The following CPLANE1 variants were observed in gnomAD, a reference collection of about 807,000 sequenced individuals.
CPLANE1 encodes the protein ciliogenesis and planar polarity effector complex subunit 1.
In CPLANE1, 263 loss-of-function variants were observed where a neutral mutation model predicts 362.5. That is an observed-to-expected ratio of 0.73 (90% confidence interval 0.66 to 0.80). The LOEUF (loss-of-function observed/expected upper bound fraction) is 0.80. Ranked by LOEUF, CPLANE1 falls within the 30% of genes least tolerant of loss-of-function variation. CPLANE1 has a pLI of 0.00. For missense variants in CPLANE1, 3,461 were observed against 3,793.4 expected (o/e 0.91, Z 2.30); for synonymous variants, 1,212 against 1,302.6 (o/e 0.93, Z 1.50).
At chr5:37,218,014 C>A (rs915242788) in intron 15 of CPLANE1, among the ~76,000 whole-genome samples, 10 of 151,802 alleles carry the variant, frequency 6.6e-5, no homozygotes, top group African/African-American at 2.2e-4. Flanking sequence ...ATAATAGAAA[C>A]CCTATTTAAT....
intron 16 of CPLANE1, chr5:37,210,918 A>G: frequency 2.6e-6 from 2 of 780,050 alleles, no homozygotes; most frequent in South Asian, 2.7e-5. Flanking sequence ...TGAGCATACT[A>G]CACAGTTGAA....
At chr5:37,144,518 G>C (rs1212804036) in intron 43 of CPLANE1, among the ~76,000 whole-genome samples, 1 of 151,682 alleles carries the variant, frequency 6.6e-6, no homozygotes, top group Non-Finnish European at 1.5e-5. Flanking sequence ...ACTTGTTTTG[G>C]TTTTATACAT....
intron 21 of CPLANE1, among the ~76,000 whole-genome samples, chr5:37,193,152 G>C (rs1298913354): frequency 6.6e-6 from 1 of 151,304 alleles, no homozygotes; most frequent in Non-Finnish European, 1.5e-5. Context: ...CTGGGCGACA[G>C]TGCAAGACTC....
intron 6 of CPLANE1, among the ~76,000 whole-genome samples, chr5:37,242,570 A>C: frequency 6.6e-6 from 1 of 152,196 alleles, no homozygotes; most frequent in African/African-American, 2.4e-5. Flanking sequence ...CTCACTTCAA[A>C]GAAGGGAAAC....
At chr5:37,103,624 GA>G (rs1757402493), downstream of CPLANE1, among the ~76,000 whole-genome samples, 1 of 152,226 alleles carries the variant, frequency 6.6e-6, no homozygotes, top group Admixed American at 6.5e-5. Flanking sequence ...TTTCATTTAT[GA>G]AGCTTAGTTT....
chr5:37,248,615 C>T (rs1223376989), intron 1 of CPLANE1, among the ~76,000 whole-genome samples: 2 of 152,106 alleles, frequency 1.3e-5, no homozygotes, highest in Non-Finnish European at 2.9e-5. Context: ...CCTGTGAGAG[C>T]CACTGCACTC....
At chr5:37,175,362 T>G (rs1231179894) in intron 31 of CPLANE1, among the ~76,000 whole-genome samples, 1 of 152,222 alleles carries the variant, frequency 6.6e-6, no homozygotes, top group Non-Finnish European at 1.5e-5. Flanking sequence ...AACAACATTT[T>G]GTGAAGAAGG....
chr5:37,167,039 AG>A lies in CPLANE1; in HGVS notation c.7400+7del, dbSNP rs1367838707. ...ATATTATCAAATAAAATTTCACTTA[AG>A]CCTTGCCTTTTTTTACTGTCCTTTC... On this transcript the variant is annotated splice_region_variant and intron_variant, in intron 35 of 52. Coordinates refer to ENST00000651892, the MANE Select transcript of CPLANE1 (RefSeq NM_001384732.1). 6.2e-7 allele frequency: 1 copy of A among 1,600,600 alleles called. No homozygotes were observed. Among genetic ancestry groups the A allele is most frequent in the Non-Finnish European group, 8.5e-7 (1 of 1,174,220 alleles).
chr5:37,195,782 A>G, intron 21 of CPLANE1, 76 bp downstream of exon 21: 1 of 1,424,876 alleles, frequency 7.0e-7, no homozygotes, highest in Non-Finnish European at 9.5e-7. Flanking sequence ...TACTTTGAAG[A>G]GTCAATACTT....
intron 29 of CPLANE1, among the ~76,000 whole-genome samples, chr5:37,178,526 T>TGAC (rs1251842732): frequency 6.6e-6 from 1 of 150,652 alleles, no homozygotes; most frequent in Non-Finnish European, 1.5e-5. Flanking sequence ...GGCAAGAGGA[T>TGAC]GACTTTATTC....
chr5:37,180,268 T>C, intron 27 of CPLANE1, 85 bp from the exon 28 acceptor site: 2 of 906,772 alleles, frequency 2.2e-6, no homozygotes, highest in Non-Finnish European at 3.1e-6. Flanking sequence ...TTGTTTTTTT[T>C]TTTAAGATGG....
chr5:37,215,588 T>G (rs775171184), intron 15 of CPLANE1, among the ~76,000 whole-genome samples: 1 of 152,112 alleles, frequency 6.6e-6, no homozygotes, highest in Non-Finnish European at 1.5e-5. Flanking sequence ...TGGTCAACTG[T>G]AGTTAGTAAT....
intron 10 of CPLANE1, 36 bp downstream of exon 10, chr5:37,227,532 G>T (rs183043453): frequency 2.8e-5 from 42 of 1,505,744 alleles, no homozygotes; most frequent in South Asian, 7.9e-5. Flanking sequence ...AAAAGAAAAA[G>T]GCAACTTTCC....
At chr5:37,238,487 C>CTTTTTTTTTTT (rs869153501) in intron 8 of CPLANE1, among the ~76,000 whole-genome samples, 2 of 80,676 alleles carry the variant, frequency 2.5e-5, no homozygotes, top group Non-Finnish European at 2.3e-5. Flanking sequence ...CCAGCCTTTT[C>CTTTTTTTTTTT]TTTTTTTTTT....
At chr5:37,210,772 A>G in intron 16 of CPLANE1, 1 of 1,400,408 alleles carries the variant, frequency 7.1e-7, no homozygotes. Flanking sequence ...CGTCTCCTAA[A>G]CCGCCTAGCT....
chr5:37,123,503 A>G (rs1763244314), intron 47 of CPLANE1, among the ~76,000 whole-genome samples: 1 of 152,224 alleles, frequency 6.6e-6, no homozygotes, highest in Admixed American at 6.5e-5. Context: ...ATCTTGAATG[A>G]GACCACAAAA....
chr5:37,212,206 A>C, intron 16 of CPLANE1: 2 of 1,416,616 alleles, frequency 1.4e-6, no homozygotes, highest in Non-Finnish European at 2.0e-6. Flanking sequence ...AAATCTGCTC[A>C]CAGTGAAAAT....
chr5:37,164,413 G>T (rs575790609), intron 36 of CPLANE1, 86 bp from the exon 37 acceptor site: 7 of 926,392 alleles, frequency 7.6e-6, no homozygotes, highest in South Asian at 7.4e-5. Context: ...TATGAAGATT[G>T]AATTCTCATG....
chr5:37,131,693 G>A (rs1765862363), intron 46 of CPLANE1, among the ~76,000 whole-genome samples: 1 of 152,028 alleles, frequency 6.6e-6, no homozygotes, highest in Non-Finnish European at 1.5e-5. Flanking sequence ...ACCACACCCA[G>A]CTAATTTTTT....
Sources: gnomAD v4.1 joint callset for allele counts (sites outside exome capture counted in the v4.1 genomes callset) on GRCh38, gnomAD v4.1.1 for gene constraint, MANE v1.5 for transcripts, NCBI Gene and HGNC (gene_info 2026-07-23, HGNC 2026-07-21) for gene names.